Variants in CACNB2 observed in about 807,000 individuals in gnomAD.
CACNB2 encodes voltage-dependent L-type calcium channel subunit beta-2.
In CACNB2, 42 loss-of-function variants were observed where a neutral mutation model predicts 73.3. The ratio of observed to expected loss-of-function variants is 0.57; its 90% CI spans 0.45 to 0.74. The LOEUF is 0.74. CACNB2 is among the 30% of genes least tolerant of loss of function. The pLI, the probability that CACNB2 is intolerant of heterozygous loss-of-function variation, is 0.00. For missense variants in CACNB2, 940 were observed against 853.0 expected (o/e 1.10, Z -1.27); for synonymous variants, 348 against 310.3 (o/e 1.12, Z -1.28).
At chr10:18,319,189 A>G (rs2040305273) in intron 2 of CACNB2, among the ~76,000 whole-genome samples, 2 of 152,206 alleles carry the variant, frequency 1.3e-5, no homozygotes, top group Non-Finnish European at 2.9e-5. Context: ...AAAGACTTGG[A>G]GCCAACCCAA....
At chr10:18,227,398 G>C (rs1230585639) in intron 2 of CACNB2, among the ~76,000 whole-genome samples, 3 of 151,956 alleles carry the variant, frequency 2.0e-5, no homozygotes, top group Non-Finnish European at 4.4e-5. Context: ...TGCAGTCAAA[G>C]AGAGATAGGA....
intron 3 of CACNB2, among the ~76,000 whole-genome samples, chr10:18,456,454 A>T (rs1230638110): frequency 6.6e-6 from 1 of 152,024 alleles, no homozygotes; most frequent in Non-Finnish European, 1.5e-5. Context: ...ACAGAGCAAG[A>T]CTCCATCTCA....
chr10:18,150,879 T>TTTTTTTTTTTTTG lies in CACNB2; in HGVS notation c.121-3_121-2insTTTTTTTTTTTGT, dbSNP rs769211879. 1.1e-4 allele frequency: 140 copies of TTTTTTTTTTTTTG among 1,259,796 alleles called. 13 individuals are homozygous for TTTTTTTTTTTTTG. The highest frequency in any genetic ancestry group is 4.3e-4 in the East Asian group (17 of 39,622). 78.0% of individuals were successfully genotyped at this position (1,259,796 alleles called of 1,614,324 possible). On this transcript the variant is annotated splice_polypyrimidine_tract_variant and splice_region_variant and intron_variant, in intron 1 of 13. Coordinates refer to ENST00000324631, the MANE Select transcript of CACNB2 (RefSeq NM_201596.3). ...TCTTTTTTTTTTTTTTTTTTTTTTTTTAGTCATATGGAAAAGGAGCCAGAA... is the reference window on the plus strand; with the variant it reads ...TCTTTTTTTTTTTTTTTTTTTTTTTTTTTTTTTTTTTTGTAGTCATATGGAAAAGGAGCCAGAA...
intron 3 of CACNB2, among the ~76,000 whole-genome samples, chr10:18,413,599 G>A (rs939362535): frequency 5.3e-5 from 8 of 152,124 alleles, no homozygotes; most frequent in Non-Finnish European, 7.3e-5. Flanking sequence ...TCGTCGAAGG[G>A]TCAACAAATC....
intron 2 of CACNB2, among the ~76,000 whole-genome samples, chr10:18,315,304 A>G (rs2040121179): frequency 6.6e-6 from 1 of 151,612 alleles, no homozygotes; most frequent in Non-Finnish European, 1.5e-5. Context: ...ACTGCACTCC[A>G]GCCTGGGCAA....
intron 2 of CACNB2, among the ~76,000 whole-genome samples, chr10:18,273,418 G>A (rs1028142129): frequency 1.3e-4 from 19 of 151,902 alleles, no homozygotes; most frequent in African/African-American, 4.6e-4. Flanking sequence ...TGGATCCTGG[G>A]CAGATAAAAA....
chr10:18,141,134 C>T, intron 1 of CACNB2: 1 of 1,548,772 alleles, frequency 6.5e-7, no homozygotes, highest in East Asian at 2.5e-5. Context: ...CGGGTTGCTC[C>T]AGCTGGCCCT....
At chr10:18,421,105 T>C (rs376939319) in intron 3 of CACNB2, among the ~76,000 whole-genome samples, 2 of 152,180 alleles carry the variant, frequency 1.3e-5, no homozygotes, top group African/African-American at 4.8e-5. Context: ...ATCTTCATCT[T>C]AGTAAAGGTC....
intron 2 of CACNB2, among the ~76,000 whole-genome samples, chr10:18,356,011 T>A (rs1255513415): frequency 6.6e-6 from 1 of 152,130 alleles, no homozygotes; most frequent in African/African-American, 2.4e-5. Flanking sequence ...CCCCACAACT[T>A]TCTGGAAGGT....
At chr10:18,398,911 A>T (rs555384844) in intron 2 of CACNB2, among the ~76,000 whole-genome samples, 1 of 152,318 alleles carries the variant, frequency 6.6e-6, no homozygotes, top group South Asian at 2.1e-4. Context: ...AACAGGTCTC[A>T]AAGTGACTAT....
At chr10:18,349,771 C>A (rs1367101468) in intron 2 of CACNB2, among the ~76,000 whole-genome samples, 2 of 151,354 alleles carry the variant, frequency 1.3e-5, no homozygotes, top group South Asian at 4.2e-4. Context: ...TGATGGCTAC[C>A]CAATAATGTG....
At chr10:18,289,072 T>A (rs979489317) in intron 2 of CACNB2, among the ~76,000 whole-genome samples, 22 of 151,838 alleles carry the variant, frequency 1.4e-4, no homozygotes, top group Admixed American at 1.1e-3. Context: ...AGTAAAAAAA[T>A]TTTTCTCCAG....
At chr10:18,276,462 T>A (rs2038291481) in intron 2 of CACNB2, among the ~76,000 whole-genome samples, 1 of 152,204 alleles carries the variant, frequency 6.6e-6, no homozygotes, top group African/African-American at 2.4e-5. Context: ...ATTCACAGTA[T>A]CACTTAGCAG....
intron 2 of CACNB2, among the ~76,000 whole-genome samples, chr10:18,227,717 G>A (rs1042852037): frequency 2.0e-5 from 3 of 152,178 alleles, no homozygotes; most frequent in Non-Finnish European, 4.4e-5. Context: ...CTCCAGCAAG[G>A]TGATTAAAGG....
At chr10:18,312,126 C>A (rs1271224849) in intron 2 of CACNB2, among the ~76,000 whole-genome samples, 1 of 151,972 alleles carries the variant, frequency 6.6e-6, no homozygotes, top group Non-Finnish European at 1.5e-5. Context: ...GTAGGTAAAT[C>A]TTAGGAAACA....
At chr10:18,427,738 T>C (rs1045987751) in intron 3 of CACNB2, among the ~76,000 whole-genome samples, 1 of 152,192 alleles carries the variant, frequency 6.6e-6, no homozygotes, top group Non-Finnish European at 1.5e-5. Flanking sequence ...CTATCTCATC[T>C]AGATTTTCAG....
chr10:18,243,618 G>C (rs573172042), intron 2 of CACNB2, among the ~76,000 whole-genome samples: 1 of 152,162 alleles, frequency 6.6e-6, no homozygotes, highest in Non-Finnish European at 1.5e-5. Flanking sequence ...GCCCTTCCTC[G>C]GGGATGAGTG....
chr10:18,408,003 A>AT (rs1369397594), intron 3 of CACNB2, among the ~76,000 whole-genome samples: 1 of 152,074 alleles, frequency 6.6e-6, no homozygotes, highest in Non-Finnish European at 1.5e-5. Context: ...ATTATTTCAT[A>AT]TATTTGAAGT....
intron 9 of CACNB2, among the ~76,000 whole-genome samples, chr10:18,521,382 A>G (rs946420795): frequency 6.6e-6 from 1 of 152,212 alleles, no homozygotes; most frequent in Non-Finnish European, 1.5e-5. Flanking sequence ...GCTTTGAGGT[A>G]TGACACAGCA....
Sources: gnomAD v4.1 joint callset for allele counts (sites outside exome capture counted in the v4.1 genomes callset) on GRCh38, gnomAD v4.1.1 for gene constraint, MANE v1.5 for transcripts, NCBI Gene and HGNC (gene_info 2026-07-23, HGNC 2026-07-21) for gene names.